The following INPP5D variants were observed in gnomAD, a reference collection of about 807,000 sequenced individuals.
INPP5D encodes the protein phosphatidylinositol 3,4,5-trisphosphate 5-phosphatase 1.
A neutral mutation model predicts 122.9 loss-of-function variants in INPP5D; 33 were observed. That is an observed-to-expected ratio of 0.27 (90% CI 0.20 to 0.36). The LOEUF (loss-of-function observed/expected upper bound fraction) is 0.36, where lower values mean the gene tolerates loss of function less well. Among genes scored for constraint, INPP5D ranks in the 10% least tolerant of loss-of-function variants. The pLI, the probability that INPP5D is intolerant of heterozygous loss-of-function variation, is 1.00. For synonymous variants in INPP5D, 584 were observed against 576.2 expected, an observed-to-expected ratio of 1.01 and a Z score of -0.19; for missense variants, 1,053 against 1,412.7, an observed-to-expected ratio of 0.75 and a Z score of 4.08.
intron 18 of INPP5D, among the ~76,000 whole-genome samples, chr2:233,181,945 G>C (rs1040220694): frequency 1.3e-5 from 2 of 152,092 alleles, no homozygotes; most frequent in African/African-American, 2.4e-5. Flanking sequence ...AATGCACAAA[G>C]ATTAGCTGGG....
chr2:233,115,612 C>A (rs879209145), intron 2 of INPP5D, among the ~76,000 whole-genome samples: 1 of 152,134 alleles, frequency 6.6e-6, no homozygotes, highest in African/African-American at 2.4e-5. Flanking sequence ...CCTGTACCTT[C>A]CCCAGGAGTA....
intron 21 of INPP5D, 129 bp downstream of exon 21, chr2:233,186,054 G>C (rs1694905504): frequency 7.8e-7 from 1 of 1,288,312 alleles, no homozygotes; most frequent in South Asian, 2.5e-5. Flanking sequence ...AATGCAGAAA[G>C]AGACCCACTC....
intron 2 of INPP5D, among the ~76,000 whole-genome samples, chr2:233,113,167 C>A (rs1692678217): frequency 1.3e-5 from 2 of 152,222 alleles, no homozygotes; most frequent in East Asian, 1.9e-4. Context: ...CCTGTGTATA[C>A]CCTGCTTCTG....
chr2:233,169,909 C>G (rs1373501408), intron 14 of INPP5D, 117 bp from the exon 15 acceptor site: 26 of 1,549,004 alleles, frequency 1.7e-5, no homozygotes, highest in Non-Finnish European at 2.2e-5. Context: ...GGCTAAGTCT[C>G]ACTTCCCCCC....
Position 233,188,033 on chromosome 2 carries a change from C to T in INPP5D, c.2359-1817C>T, listed in dbSNP as rs1428769284. Among the ~76,000 whole-genome samples, 1 of 152,088 alleles carries T rather than the reference C, an allele frequency of 6.6e-6. No homozygotes were observed. Among genetic ancestry groups the T allele is most frequent in the Non-Finnish European group, 1.5e-5 (1 of 67,976 alleles). On this transcript the variant is annotated intron_variant, in intron 21 of 26. Coordinates refer to ENST00000445964, the MANE Select transcript of INPP5D (RefSeq NM_001017915.3). This position sits in a 1 kb window ranked among gnomAD's most constrained non-coding sequence, Gnocchi z 4.7. ...TTGCCTCTGTCCCCTCCCTCAGTCC[C>T]CCTGCCCCCTCCCAGGGGGTCCACT...
chr2:233,079,474 G>C (rs1691613683), intron 2 of INPP5D, 76 bp downstream of exon 2: 2 of 963,020 alleles, frequency 2.1e-6, no homozygotes, highest in African/African-American at 3.2e-5. Flanking sequence ...AAACGATGAG[G>C]AAGGAAGTGC....
intron 1 of INPP5D, among the ~76,000 whole-genome samples, chr2:233,076,990 C>T (rs1488806075): frequency 6.6e-6 from 1 of 152,212 alleles, no homozygotes; most frequent in African/African-American, 2.4e-5. Context: ...ATCTCCAGGT[C>T]ATTTAGCCAG....
At chr2:233,101,371 C>G (rs1692306618) in intron 2 of INPP5D, among the ~76,000 whole-genome samples, 1 of 152,020 alleles carries the variant, frequency 6.6e-6, no homozygotes, top group African/African-American at 2.4e-5. Context: ...TCTGCCAAGT[C>G]CTGGCGAGGT....
intron 3 of INPP5D, among the ~76,000 whole-genome samples, chr2:233,122,628 C>A (rs1693022643): frequency 6.6e-6 from 1 of 152,006 alleles, no homozygotes; most frequent in African/African-American, 2.4e-5. Flanking sequence ...CATAGGCAAT[C>A]CTGTGTCTAC....
chr2:233,181,861 C>T (rs117103380), intron 18 of INPP5D, among the ~76,000 whole-genome samples: 14 of 152,198 alleles, frequency 9.2e-5, no homozygotes, highest in Middle Eastern at 3.4e-3. Flanking sequence ...CTTGGGAGGC[C>T]GAGGCGAGTG....
At chr2:233,200,179 C>T (rs376551124) in intron 25 of INPP5D, among the ~76,000 whole-genome samples, 2 of 152,288 alleles carry the variant, frequency 1.3e-5, no homozygotes, top group Non-Finnish European at 2.9e-5. Flanking sequence ...GATAGGAGAC[C>T]GGGCTACGCA....
At chr2:233,118,089 C>A (rs981820819) in intron 2 of INPP5D, among the ~76,000 whole-genome samples, 1 of 152,168 alleles carries the variant, frequency 6.6e-6, no homozygotes, top group Admixed American at 6.5e-5. Context: ...TGGGTGGGAA[C>A]CCCCAGGCCT....
Position 233,195,384 on chromosome 2 carries a change from TC to T in INPP5D, c.2597-12del. The stretch of plus-strand genomic sequence containing the variant: ...CTGGGCCCTCACATGCTCTTTCCCG[TC>T]CCTTTCCTTCCAGACTTTGTGAAGA... On this transcript the variant is annotated splice_polypyrimidine_tract_variant and intron_variant, in intron 23 of 26. Coordinates refer to ENST00000445964, the MANE Select transcript of INPP5D (RefSeq NM_001017915.3). The T allele has an allele frequency of 1.2e-6, 2 of 1,613,560 alleles. No homozygotes were observed. The highest frequency in any genetic ancestry group is 1.3e-5 in the African/African-American group (1 of 74,996).
chr2:233,135,089 T>TAAA (rs56329944), intron 5 of INPP5D, among the ~76,000 whole-genome samples: 47 of 148,680 alleles, frequency 3.2e-4, no homozygotes, highest in East Asian at 9.8e-4. Flanking sequence ...ATGTATACAA[T>TAAA]AAAAAAAAAA....
At position 233,198,245 on chromosome 2, in the gene INPP5D, C is replaced by G; in HGVS notation, c.2844C>G (p.Pro948=). The G allele has an allele frequency of 1.2e-6, 2 of 1,613,648 alleles. No individual in the cohort carries two copies. The highest frequency in any genetic ancestry group is 1.7e-6 in the Non-Finnish European group (2 of 1,179,896). ...CAGCCTGGAGCTACGACCAGCCGCC[C>G]AAGGACTCCCCGCTGGGGCCCTGCA... ...QPTAWSYDQP[P]KDSPLGPCRG... The change falls in exon 25 of 27, where the codon CCC becomes CCG. Residue 948 remains proline, a synonymous_variant. Transcript: ENST00000445964.
At chr2:233,154,234 C>T (rs1693993086) in intron 9 of INPP5D, among the ~76,000 whole-genome samples, 2 of 152,240 alleles carry the variant, frequency 1.3e-5, no homozygotes, top group African/African-American at 4.8e-5. Context: ...CAGCAACCTC[C>T]ACCTCCTGGG....
chr2:233,170,335 G>T lies in INPP5D; in HGVS notation c.1792-161G>T. ...TACTGAGCCTCAGCCGCTCCTCACG[G>T]TTCCCCTGTGCTCACACCCGGTTCC... On this transcript the variant is annotated intron_variant, in intron 15 of 26. Coordinates refer to ENST00000445964, the MANE Select transcript of INPP5D (RefSeq NM_001017915.3). This position sits in a 1 kb window ranked among gnomAD's most constrained non-coding sequence, Gnocchi z 4.5. 1 of 1,482,332 alleles carries T rather than the reference G, an allele frequency of 6.7e-7. No individual in the cohort carries two copies. Among genetic ancestry groups the T allele is most frequent in the Admixed American group, 2.2e-5 (1 of 45,998 alleles). The allele number at this position is 1,482,332 out of a possible 1,614,324, so 91.8% of individuals were successfully genotyped here.
intron 2 of INPP5D, among the ~76,000 whole-genome samples, chr2:233,090,452 C>G (rs963879171): frequency 6.6e-6 from 1 of 152,162 alleles, no homozygotes; most frequent in Admixed American, 6.5e-5. Context: ...CCATCTCCCC[C>G]CCATATTTAT....
At chr2:233,131,534 TA>T (rs754526793) in intron 5 of INPP5D, among the ~76,000 whole-genome samples, 1,630 of 134,114 alleles carry the variant, frequency 0.012, 12 homozygotes, top group African/African-American at 0.023. Flanking sequence ...CTGTCTCTAC[TA>T]AAAAAAAAAA....
Sources: gnomAD v4.1 joint callset for allele counts (sites outside exome capture counted in the v4.1 genomes callset) on GRCh38, gnomAD v4.1.1 for gene constraint, Gnocchi (gnomAD v3.1) non-coding constraint, MANE v1.5 for transcripts, NCBI Gene and HGNC (gene_info 2026-07-23, HGNC 2026-07-21) for gene names.